Variants in MGAT4B observed in about 807,000 individuals in gnomAD.
MGAT4B encodes the protein alpha-1,3-mannosyl-glycoprotein 4-beta-N-acetylglucosaminyltransferase B.
In MGAT4B, 38 loss-of-function variants were observed where a neutral mutation model predicts 73.9. That is an observed-to-expected ratio of 0.51 (90% CI 0.40 to 0.67). The LOEUF (loss-of-function observed/expected upper bound fraction) is 0.67, where lower values mean the gene tolerates loss of function less well. Among genes scored for constraint, MGAT4B ranks in the 30% least tolerant of loss-of-function variants. MGAT4B has a pLI of 0.00. For synonymous variants in MGAT4B, 373 were observed against 313.5 expected (o/e 1.19, Z -2.01); for missense variants, 686 against 735.2 (o/e 0.93, Z 0.77).
intron 1 of MGAT4B, chr5:179,803,185 T>G (rs771923552): frequency 1.0e-6 from 1 of 985,212 alleles, no homozygotes; most frequent in Non-Finnish European, 1.2e-6. Context: ...GGGAGCCAGG[T>G]AGATCTTCCC....
At position 179,798,230 on chromosome 5, in the gene MGAT4B, C is replaced by G. The variant is rs1231602952; in HGVS notation, c.1558G>C (p.Gly520Arg). 2.5e-6 allele frequency: 4 copies of G among 1,607,114 alleles called. No homozygotes were observed. Among genetic ancestry groups the G allele is most frequent in the Non-Finnish European group, 3.4e-6 (4 of 1,176,332 alleles). ...VAEGEVDPAFGPLEALRLSIQ... is the reference protein window; with the variant it reads ...VAEGEVDPAFRPLEALRLSIQ... ...GAGAGGCGCAGTGCTTCCAGAGGGC[C>G]GAAGGCTGGGTCCACCTCTCCCTCT... is the stretch of plus-strand genomic sequence containing the variant. The change falls in exon 14 of 15, where the codon GGC becomes CGC. Residue 520 changes from glycine (G) to arginine (R), a missense_variant. By Grantham distance (125) the Gly-to-Arg change is moderately radical (BLOSUM62 -2). Transcript: ENST00000292591.
intron 6 of MGAT4B, 40 bp downstream of exon 6, chr5:179,800,444 G>A (rs1365397705): frequency 2.0e-6 from 3 of 1,475,622 alleles, no homozygotes; most frequent in East Asian, 4.6e-5. Context: ...TCTCAGCACA[G>A]GCAGGCGGGT....
At position 179,801,890 on chromosome 5, in the gene MGAT4B, C is replaced by T; in HGVS notation, c.177G>A (p.Lys59=). Residue 59 remains lysine (K), a synonymous_variant, in exon 2 of 15, where the codon AAG becomes AAA. Coordinates refer to ENST00000292591, the MANE Select transcript of MGAT4B (RefSeq NM_014275.5). The surrounding 1 kb of genome is among the most constrained non-coding windows in gnomAD (Gnocchi z 4.8). The stretch of plus-strand genomic sequence containing the variant: ...GCACCAGGTTGAGCTCCTTGGAGCG[C>T]TTGAGGCTCTCCTGCTCAGCTGCGT... ...RLHAAEQESL[K]RSKELNLVLD... 1 of 1,613,162 alleles carries T rather than the reference C, an allele frequency of 6.2e-7. No homozygotes were observed. Among genetic ancestry groups the T allele is most frequent in the South Asian group, 1.1e-5 (1 of 91,088 alleles).
chr5:179,805,948 G>C (rs1199105057), intron 1 of MGAT4B, among the ~76,000 whole-genome samples: 1 of 151,582 alleles, frequency 6.6e-6, no homozygotes, highest in Non-Finnish European at 1.5e-5. Flanking sequence ...GGGAGCGCAG[G>C]GCAGCAGGGG....
Position 179,800,561 on chromosome 5 carries a change from G to A in MGAT4B, c.642C>T (p.Val214=), listed in dbSNP as rs765444129. 3.1e-6 allele frequency: 5 copies of A among 1,612,002 alleles called. No homozygotes were observed. The highest frequency in any genetic ancestry group is 3.4e-6 in the Non-Finnish European group (4 of 1,179,552). ...GGTAGAAGTGGGGGGAGGGTGAGAT[G>A]ACCTCCAGGAGCCCAGAATGGATCT... The part of the protein sequence containing the change: ...PTEIHSGLLE[V]ISPSPHFYPD... The change falls in exon 6 of 15, where the codon GTC becomes GTT. Residue 214 remains valine, a synonymous_variant. Coordinates refer to ENST00000292591, the MANE Select transcript of MGAT4B (RefSeq NM_014275.5).
chr5:179,805,256 C>T (rs1757094243), intron 1 of MGAT4B: 1 of 152,318 alleles, frequency 6.6e-6, no homozygotes, highest in South Asian at 2.1e-4. Flanking sequence ...GAGCATGCCC[C>T]AGCCCTTCAG....
rs748165959 is a variant in MGAT4B at position 179,801,486 on chromosome 5, C to T, written c.425-19G>A. On this transcript the variant is annotated intron_variant, in intron 3 of 14. Coordinates refer to ENST00000292591, the MANE Select transcript of MGAT4B (RefSeq NM_014275.5). The surrounding 1 kb of genome is among the most constrained non-coding windows in gnomAD (Gnocchi z 4.8). ...ACCGACACTATGGGGGACGGAGGCC[C>T]GACGCTGGAAAGGGTGCGGGGGCCA... 5.6e-6 allele frequency: 9 copies of T among 1,602,470 alleles called. No individual in the cohort carries two copies. Among genetic ancestry groups the T allele is most frequent in the Non-Finnish European group, 6.8e-6 (8 of 1,172,350 alleles).
At chr5:179,799,930 C>A in intron 8 of MGAT4B, 24 bp downstream of exon 8, 1 of 1,588,342 alleles carries the variant, frequency 6.3e-7, no homozygotes, top group Non-Finnish European at 8.6e-7. Context: ...TGAAAGGCAC[C>A]GTCAGGTAAG....
At position 179,801,680 on chromosome 5, in the gene MGAT4B, T is replaced by C; in HGVS notation, c.298A>G (p.Lys100Glu). The change falls in exon 3 of 15, where the codon AAG becomes GAG. Residue 100 changes from lysine (K) to glutamate (E), a missense_variant. By Grantham distance (56) the Lys-to-Glu change is moderately conservative. Around this residue, in one of 2 missense-constraint regions of MGAT4B, gnomAD observed 237 missense variants for 198.5 expected, o/e 1.19. Transcript: ENST00000292591. This position sits in a 1 kb window ranked among gnomAD's most constrained non-coding sequence, Gnocchi z 4.8. ...TGCCGGTGTGAGCCGTTCCACGGCT[T>C]CAATCGGGGGTCCTCTGGGTGGGTC... ...WGRLTEDPRL[K>E]PWNGSHRHVL... 1 of 1,608,850 alleles carries C rather than the reference T, an allele frequency of 6.2e-7. No individual in the cohort carries two copies. The highest frequency in any genetic ancestry group is 8.5e-7 in the Non-Finnish European group (1 of 1,178,878).
In MGAT4B at chr5:179,801,156, G is replaced by T. The variant is rs1052312805; in HGVS notation, c.558+178C>A. ...CCAAGGACTAGGGGGTGGCGGGGGC[G>T]ATGGGTAGGGGTAGAGGGTGCCAGA... On this transcript the variant is annotated intron_variant, in intron 4 of 14. Coordinates refer to ENST00000292591, the MANE Select transcript of MGAT4B (RefSeq NM_014275.5). The surrounding 1 kb of genome is among the most constrained non-coding windows in gnomAD (Gnocchi z 4.8). 6.6e-6 allele frequency among the ~76,000 whole-genome samples: 1 copy of T among 151,760 alleles called. No homozygotes were observed. The highest frequency in any genetic ancestry group is 1.5e-5 in the Non-Finnish European group (1 of 68,004).
rs989857087 is a variant in MGAT4B at position 179,799,611 on chromosome 5, C to G, written c.936G>C (p.Leu312=). Residue 312 remains leucine, a synonymous_variant, in exon 9 of 15, where the codon CTG becomes CTC. Transcript: ENST00000292591. ...FIGKMFKSLD[L]SLIVEFILMF... is the part of the protein sequence containing the mutation. The stretch of plus-strand genomic sequence containing the variant: ...TGAGAATGAACTCTACAATCAGGCT[C>G]AGGTCCAGCGACTTGAACATCTTAC... 11 of 1,613,850 alleles carry G rather than the reference C, an allele frequency of 6.8e-6. No homozygotes were observed. The highest frequency in any genetic ancestry group is 3.3e-5 in the Admixed American group (2 of 60,032).
intron 6 of MGAT4B, 68 bp downstream of exon 6, chr5:179,800,416 A>G: frequency 7.0e-7 from 1 of 1,421,982 alleles, no homozygotes; most frequent in East Asian, 2.3e-5. Context: ...CCCTGGACTC[A>G]AACACCAGTA....
At position 179,806,656 on chromosome 5, in the gene MGAT4B, G is replaced by T; in HGVS notation, c.-73C>A. ...CGGGGGACCGGGGCCGGGGCGCAGG[G>T]GTCGGAAGGCGGCGGCGGCGGCGGC... On this transcript the variant is annotated 5_prime_UTR_variant, in exon 1 of 15. Coordinates refer to ENST00000292591, the MANE Select transcript of MGAT4B (RefSeq NM_014275.5). This position sits in a 1 kb window ranked among gnomAD's most constrained non-coding sequence, Gnocchi z 4.6. The T allele has an allele frequency of 1.2e-6, 1 of 824,854 alleles. No homozygotes were observed. Among genetic ancestry groups the T allele is most frequent in the Non-Finnish European group, 1.5e-6 (1 of 676,392 alleles). 51.1% of individuals were successfully genotyped at this position (824,854 alleles called of 1,614,324 possible).
chr5:179,803,224 C>T (rs1395466747), intron 1 of MGAT4B: 3 of 985,262 alleles, frequency 3.0e-6, no homozygotes, highest in Non-Finnish European at 3.6e-6. Context: ...AGAAGCCAGC[C>T]CCCACCCTCC....
In MGAT4B at chr5:179,800,259, C is replaced by T. The variant is rs771879036; in HGVS notation, c.720G>A (p.Arg240=). 2 of 1,613,278 alleles carry T rather than the reference C, an allele frequency of 1.2e-6. No homozygotes were observed. The highest frequency in any genetic ancestry group is 2.2e-5 in the East Asian group (1 of 44,880). Residue 240 remains arginine, a splice_region_variant and synonymous_variant, in exon 7 of 15, where the codon AGG becomes AGA. Transcript: ENST00000292591. ...AATCGAGGTTCTGTTTGGTCCTCCA[C>T]CTGTGGGCCGGGGCGGGGCCTCAGA... The part of the protein sequence containing the change: ...ESFGDPKERV[R]WRTKQNLDYC...
In MGAT4B at chr5:179,800,494, C is replaced by T. The variant is rs1308514211; in HGVS notation, c.709G>A (p.Glu237Lys). 3 of 1,605,904 alleles carry T rather than the reference C, an allele frequency of 1.9e-6. No homozygotes were observed. Among genetic ancestry groups the T allele is most frequent in the Non-Finnish European group, 1.7e-6 (2 of 1,176,098 alleles). ...GGGAGTAACTAGTACCTGACTCTCT[C>T]CTTGGGGTCCCCAAAGGACTCTCGG... ...RLRESFGDPK[E>K]RVRWRTKQNL... The change falls in exon 6 of 15, where the codon GAG becomes AAG. Residue 237 changes from glutamate (E) to lysine (K), a missense_variant. Physicochemically the swap from Glu to Lys is moderately conservative, Grantham distance 56. This residue lies in a region of MGAT4B where 449 missense variants were observed against 536.8 expected (regional missense o/e 0.84). Transcript: ENST00000292591.
intron 1 of MGAT4B, chr5:179,804,906 C>T (rs1468354858): frequency 2.6e-5 from 4 of 152,218 alleles, no homozygotes; most frequent in East Asian, 3.9e-4. Context: ...GACAGCCCCT[C>T]GACAAGGGAG....
At chr5:179,798,894 G>T (rs766318263) in intron 11 of MGAT4B, 34 bp downstream of exon 11, 11 of 1,611,104 alleles carry the variant, frequency 6.8e-6, no homozygotes, top group Middle Eastern at 1.7e-4. Flanking sequence ...ACCCAGCCCC[G>T]CCCCCATCGC....
Position 179,800,225 on chromosome 5 carries a change from G to A in MGAT4B, c.754C>T (p.Leu252Phe). 1 of 1,613,554 alleles carries A rather than the reference G, an allele frequency of 6.2e-7. No individual in the cohort carries two copies. The highest frequency in any genetic ancestry group is 8.5e-7 in the Non-Finnish European group (1 of 1,180,002). ...CCTTTGGACTGCGCGTACATCATGA[G>A]GAAGCAGTAATCGAGGTTCTGTTTG... is the stretch of plus-strand genomic sequence containing the variant. ...RTKQNLDYCFLMMYAQSKGIY... is the reference protein window; with the variant it reads ...RTKQNLDYCFFMMYAQSKGIY... Residue 252 changes from leucine to phenylalanine, a missense_variant, in exon 7 of 15, where the codon CTC (leucine) becomes TTC (phenylalanine). Around this residue, in one of 2 missense-constraint regions of MGAT4B, gnomAD observed 449 missense variants for 536.8 expected, o/e 0.84. Transcript: ENST00000292591.
Sources: gnomAD v4.1 joint callset for allele counts (sites outside exome capture counted in the v4.1 genomes callset) on GRCh38, gnomAD v4.1.1 for gene constraint, gnomAD v4.1.1 regional missense constraint, Gnocchi (gnomAD v3.1) non-coding constraint, MANE v1.5 for transcripts, NCBI Gene and HGNC (gene_info 2026-07-23, HGNC 2026-07-21) for gene names.